The following EEPD1 variants were observed in gnomAD, a reference collection of about 807,000 sequenced individuals.
EEPD1 encodes the protein endonuclease/exonuclease/phosphatase family domain containing 1, also known as endonuclease/exonuclease/phosphatase family domain-containing protein 1.
A neutral mutation model predicts 46.3 loss-of-function variants in EEPD1; 17 were observed. The ratio of observed to expected loss-of-function variants is 0.37; its 90% CI spans 0.25 to 0.55. EEPD1 has a LOEUF of 0.55. Among genes scored for constraint, EEPD1 ranks in the 20% least tolerant of loss-of-function variants. EEPD1 has a pLI of 0.83. For synonymous variants in EEPD1, 313 were observed against 315.6 expected (o/e 0.99, Z 0.09); for missense variants, 673 against 745.6 (o/e 0.90, Z 1.13).
chr7:36,299,417 G>A lies in EEPD1; in HGVS notation c.*211G>A. On this transcript the variant is annotated 3_prime_UTR_variant, in exon 8 of 8. Transcript: ENST00000242108. ...GCGCGTACCCCACCAGGTGGGCAAA[G>A]CAGAAACCTGCGGGGAGCGGAGACG... 1.6e-6 allele frequency: 1 copy of A among 620,290 alleles called. No homozygotes were observed. 38.4% of individuals were successfully genotyped at this position (620,290 alleles called of 1,614,324 possible).
chr7:36,217,377 A>G (rs1206874651), intron 2 of EEPD1, among the ~76,000 whole-genome samples: 1 of 152,218 alleles, frequency 6.6e-6, no homozygotes, highest in Admixed American at 6.5e-5. Context: ...ATGCTAATGC[A>G]TTATAATTAG....
At chr7:36,238,104 A>G (rs547077158) in intron 2 of EEPD1, among the ~76,000 whole-genome samples, 6 of 152,172 alleles carry the variant, frequency 3.9e-5, no homozygotes, top group Non-Finnish European at 7.3e-5. Context: ...TAACTTCCTG[A>G]CGCTGCTATG....
intron 6 of EEPD1, among the ~76,000 whole-genome samples, chr7:36,295,228 T>C (rs768679011): frequency 6.6e-5 from 10 of 151,732 alleles, no homozygotes; most frequent in Non-Finnish European, 1.3e-4. Context: ...TGGAGCATCT[T>C]GTCGTGTCAG....
chr7:36,169,795 G>A (rs571624974), intron 2 of EEPD1, among the ~76,000 whole-genome samples: 1 of 152,322 alleles, frequency 6.6e-6, no homozygotes, highest in African/African-American at 2.4e-5. Flanking sequence ...CATGAGTCTG[G>A]CTGGAATGTT....
intron 2 of EEPD1, among the ~76,000 whole-genome samples, chr7:36,192,777 G>GT (rs751023875): frequency 5.9e-5 from 9 of 152,194 alleles, no homozygotes; most frequent in Non-Finnish European, 1.2e-4. Context: ...ACTAAATGTT[G>GT]TTTTCGTGAA....
At chr7:36,243,803 A>G (rs1248898405) in intron 3 of EEPD1, among the ~76,000 whole-genome samples, 6 of 151,920 alleles carry the variant, frequency 3.9e-5, no homozygotes, top group African/African-American at 1.5e-4. Context: ...AAGGACAAAA[A>G]ACCAAACACC....
At position 36,223,506 on chromosome 7, in the gene EEPD1, G is replaced by A. The variant is rs527842568; in HGVS notation, c.879-15479G>A. ...TCATTAGAACGTAAGCTTCGTCAGAGTCAAGATTCTGTTTTGTTCCTTGCC... is the reference window on the plus strand; with the variant it reads ...TCATTAGAACGTAAGCTTCGTCAGAATCAAGATTCTGTTTTGTTCCTTGCC... On this transcript the variant is annotated intron_variant, in intron 2 of 7. Transcript: ENST00000242108. Among the ~76,000 whole-genome samples, 172 of 152,280 alleles carry A rather than the reference G, an allele frequency of 1.1e-3. 2 individuals carry two copies. Among genetic ancestry groups the A allele is most frequent in the African/African-American group, 3.9e-3 (161 of 41,546 alleles).
At chr7:36,184,939 C>T (rs974407728) in intron 2 of EEPD1, among the ~76,000 whole-genome samples, 6 of 152,090 alleles carry the variant, frequency 3.9e-5, no homozygotes, top group African/African-American at 4.8e-5. Flanking sequence ...CTGTGTTGGC[C>T]AGGGTGGTCT....
intron 6 of EEPD1, among the ~76,000 whole-genome samples, chr7:36,295,754 G>C (rs912589133): frequency 2.0e-5 from 3 of 152,172 alleles, no homozygotes; most frequent in African/African-American, 7.2e-5. Flanking sequence ...AAAGCTGCCA[G>C]GTGTGGTGGC....
intron 3 of EEPD1, among the ~76,000 whole-genome samples, chr7:36,241,171 T>C (rs1372879686): frequency 6.6e-6 from 1 of 152,154 alleles, no homozygotes; most frequent in Non-Finnish European, 1.5e-5. Context: ...ATTTTATTTC[T>C]CAATTTAAAA....
At chr7:36,286,739 G>C (rs1232893219) in intron 5 of EEPD1, among the ~76,000 whole-genome samples, 1 of 152,160 alleles carries the variant, frequency 6.6e-6, no homozygotes, top group Non-Finnish European at 1.5e-5. Flanking sequence ...AGGAGGAGGA[G>C]GCACATCCCA....
intron 2 of EEPD1, among the ~76,000 whole-genome samples, chr7:36,190,497 A>G (rs1477082690): frequency 6.6e-6 from 1 of 152,234 alleles, no homozygotes; most frequent in East Asian, 1.9e-4. Flanking sequence ...AAAAATCAAC[A>G]TAATCCTGAC....
intron 2 of EEPD1, among the ~76,000 whole-genome samples, chr7:36,196,420 C>T (rs1785587128): frequency 6.7e-6 from 1 of 150,164 alleles, no homozygotes; most frequent in Non-Finnish European, 1.5e-5. Context: ...CCTCTCCCAT[C>T]TCCCTCTCCC....
intron 2 of EEPD1, among the ~76,000 whole-genome samples, chr7:36,212,184 C>T (rs1785947624): frequency 6.6e-6 from 1 of 152,118 alleles, no homozygotes; most frequent in East Asian, 1.9e-4. Flanking sequence ...GGTAATCAAA[C>T]AAATGCAAAG....
chr7:36,196,705 A>G (rs1785597901), intron 2 of EEPD1, among the ~76,000 whole-genome samples: 1 of 152,186 alleles, frequency 6.6e-6, no homozygotes, highest in Non-Finnish European at 1.5e-5. Context: ...GAGTCTCGTT[A>G]ACTCAGTGCT....
At chr7:36,276,869 C>T (rs939722756) in intron 3 of EEPD1, among the ~76,000 whole-genome samples, 3 of 152,154 alleles carry the variant, frequency 2.0e-5, no homozygotes, top group African/African-American at 4.8e-5. Flanking sequence ...TTCAGAAACC[C>T]GAGAGGGTGG....
chr7:36,262,693 G>T (rs995870119), intron 3 of EEPD1, among the ~76,000 whole-genome samples: 1 of 152,180 alleles, frequency 6.6e-6, no homozygotes, highest in African/African-American at 2.4e-5. Flanking sequence ...GAGGCATTTC[G>T]CCTGTACCAG....
intron 3 of EEPD1, 31 bp from the exon 4 acceptor site, chr7:36,281,084 C>T: frequency 6.2e-7 from 1 of 1,604,932 alleles, no homozygotes; most frequent in Non-Finnish European, 8.5e-7. Context: ...GGCGCGAACC[C>T]ACGCTTCTGA....
chr7:36,188,998 G>C (rs1159943200), intron 2 of EEPD1, among the ~76,000 whole-genome samples: 1 of 152,222 alleles, frequency 6.6e-6, no homozygotes, highest in East Asian at 1.9e-4. Context: ...TGGATAACCA[G>C]TTGAGTCATT....
Sources: allele counts gnomAD v4.1 joint callset (sites outside exome capture counted in the v4.1 genomes callset), GRCh38; gene constraint gnomAD v4.1.1; transcripts MANE v1.5; gene names NCBI Gene and HGNC (gene_info 2026-07-23, HGNC 2026-07-21).